FRK: variants seen among roughly 807,000 people sequenced by gnomAD.
The protein encoded by FRK is tyrosine-protein kinase FRK.
A neutral mutation model predicts 56.4 loss-of-function variants in FRK; 51 were observed. The observed-to-expected ratio is 0.90, with a 90% CI of 0.72 to 1.14. FRK has a LOEUF of 1.14. FRK is among the 50% of genes most tolerant of loss of function. The probability of loss-of-function intolerance (pLI) is 0.00; values close to 1 mark genes in which losing one functional copy is unlikely to be tolerated. For missense variants in FRK, 570 were observed against 601.4 expected (o/e 0.95, Z 0.55); for synonymous variants, 245 against 217.9 (o/e 1.12, Z -1.10).
the FRK span, among the ~76,000 whole-genome samples, chr6:116,069,431 G>A: frequency 6.6e-6 from 1 of 151,934 alleles, no homozygotes; most frequent in East Asian, 1.9e-4. Context: ...TAACTCCTAT[G>A]AAAATATTTA....
chr6:116,078,555 G>GAAAT, the FRK span, among the ~76,000 whole-genome samples: 1 of 152,300 alleles, frequency 6.6e-6, no homozygotes, highest in Non-Finnish European at 1.5e-5. Flanking sequence ...CACCCCATGT[G>GAAAT]AAATAAATAC....
chr6:116,085,739 A>G, the FRK span, among the ~76,000 whole-genome samples: 1 of 152,164 alleles, frequency 6.6e-6, no homozygotes, highest in African/African-American at 2.4e-5. Context: ...TGTGCATGCC[A>G]CAGAGAGAGA....
chr6:115,982,207 T>C (rs992233918), intron 2 of FRK, among the ~76,000 whole-genome samples: 6 of 152,180 alleles, frequency 3.9e-5, no homozygotes, highest in Admixed American at 1.3e-4. Flanking sequence ...CATCTTTTCC[T>C]GCACTTGTAC....
At chr6:115,993,532 C>T (rs532972396) in intron 2 of FRK, among the ~76,000 whole-genome samples, 17 of 151,782 alleles carry the variant, frequency 1.1e-4, no homozygotes, top group East Asian at 3.9e-4. Context: ...TCTGCCAACA[C>T]GAATTTAAAC....
At chr6:115,961,649 G>T (rs1326683501) in intron 4 of FRK, among the ~76,000 whole-genome samples, 1 of 69,970 alleles carries the variant, frequency 1.4e-5, no homozygotes, top group Non-Finnish European at 2.7e-5. Context: ...CAGAGAGAAA[G>T]GTCGGGTTAC....
chr6:116,008,769 G>A (rs951957881), intron 1 of FRK, among the ~76,000 whole-genome samples: 1 of 152,146 alleles, frequency 6.6e-6, no homozygotes, highest in Admixed American at 6.6e-5. Flanking sequence ...TTAAGCTACA[G>A]TTCTTACGTG....
chr6:115,949,457 T>C (rs980697181), intron 5 of FRK, among the ~76,000 whole-genome samples: 5 of 152,244 alleles, frequency 3.3e-5, no homozygotes, highest in East Asian at 3.9e-4. Flanking sequence ...ACATATGTTC[T>C]GTCCATACCT....
In FRK at chr6:115,944,327, T is replaced by C. The variant is rs1009449848; in HGVS notation, c.1057A>G (p.Arg353Gly). The change falls in exon 6 of 8, where the codon AGA (arginine) becomes GGA (glycine). Residue 353 changes from arginine (R) to glycine (G), a missense_variant. By Grantham distance (125) the Arg-to-Gly change is moderately radical. Transcript: ENST00000606080. Reference protein sequence around the residue: ...AYLESRNYIHRDLAARNVLVG... With the variant: ...AYLESRNYIHGDLAARNVLVG... ...AGGACATTTCTGGCAGCCAGATCTC[T>C]GTGAATGTAGTTCCGAGACTCCAGA... 6.2e-7 allele frequency: 1 copy of C among 1,613,218 alleles called. No individual in the cohort carries two copies.
the FRK span, among the ~76,000 whole-genome samples, chr6:116,077,414 C>G: frequency 6.6e-6 from 1 of 152,202 alleles, no homozygotes; most frequent in Admixed American, 6.5e-5. Context: ...ACAAAAATTA[C>G]AGTTGACTTC....
chr6:115,958,259 A>G lies in FRK; in HGVS notation c.800-1649T>C, dbSNP rs192513377. 7.3e-4 allele frequency among the ~76,000 whole-genome samples: 95 copies of G among 130,608 alleles called. 1 individual carries two copies. The East Asian group carries it at 0.021, about 29-fold the overall frequency. 85.7% of individuals were successfully genotyped at this position (130,608 alleles called of 152,430 possible). On this transcript the variant is annotated intron_variant, in intron 4 of 7. Coordinates refer to ENST00000606080, the MANE Select transcript of FRK (RefSeq NM_002031.3). ...AGTTTGGCCTATGGTCAAATATAAT[A>G]TAGTGGGGAATCCCCCCACTACCAC...
chr6:115,950,157 G>A (rs1772668253), intron 5 of FRK, among the ~76,000 whole-genome samples: 2 of 152,118 alleles, frequency 1.3e-5, no homozygotes, highest in Admixed American at 1.3e-4. Context: ...AAAAGCAATG[G>A]CAACAAAAGC....
In FRK at chr6:115,932,925, A is replaced by G. The variant is rs945622068; in HGVS notation, c.*9489T>C. On this transcript the variant is annotated 3_prime_UTR_variant, in exon 8 of 8. Transcript: ENST00000606080. ...TGAGCCTAGCCTGATGTTACCCCAC[A>G]GGCTAGTTCTTTGTCTGTCTTTTAA... 17 of 152,314 alleles carry G rather than the reference A, an allele frequency of 1.1e-4. No homozygotes were observed. Among genetic ancestry groups the G allele is most frequent in the Admixed American group, 4.6e-4 (7 of 15,308 alleles). 9.4% of individuals were successfully genotyped at this position (152,314 alleles called of 1,614,324 possible).
chr6:116,002,357 G>A lies in FRK; in HGVS notation c.466+1520C>T, dbSNP rs561845985. ...TGACAGGCCAGGCATGGTGACTCAC[G>A]CCTGTAATCCCAGCACTTTGGGAGG... On this transcript the variant is annotated intron_variant, in intron 2 of 7. Transcript: ENST00000606080. Among the ~76,000 whole-genome samples, 226 of 152,264 alleles carry A rather than the reference G, an allele frequency of 1.5e-3. 2 individuals carry two copies. Among genetic ancestry groups the A allele is most frequent in the African/African-American group, 5.3e-3 (221 of 41,566 alleles).
chr6:115,940,498 G>C lies in FRK; in HGVS notation c.*1916C>G, dbSNP rs183702093. 1.4e-4 allele frequency: 21 copies of C among 152,254 alleles called. No homozygotes were observed. Among genetic ancestry groups the C allele is most frequent in the African/African-American group, 4.8e-4 (20 of 41,556 alleles). 9.4% of individuals were successfully genotyped at this position (152,254 alleles called of 1,614,324 possible). On this transcript the variant is annotated 3_prime_UTR_variant, in exon 8 of 8. Coordinates refer to ENST00000606080, the MANE Select transcript of FRK (RefSeq NM_002031.3). ...AGAAATGGGATCTAATTAAACTAAA[G>C]AGCTTCTAGACAGCAAAAGAAACTA...
intron 1 of FRK, among the ~76,000 whole-genome samples, chr6:116,036,341 A>G (rs1209807806): frequency 6.6e-6 from 1 of 152,168 alleles, no homozygotes; most frequent in Non-Finnish European, 1.5e-5. Flanking sequence ...CTCAGCAAAT[A>G]TACTTACTTA....
rs926347860 is a variant in FRK at position 115,935,279 on chromosome 6, T to C, written c.*7135A>G. On this transcript the variant is annotated 3_prime_UTR_variant, in exon 8 of 8. Coordinates refer to ENST00000606080, the MANE Select transcript of FRK (RefSeq NM_002031.3). ...TACCTCCTCTACCCAAGGGAAGCCA[T>C]GAGGGACTGTACCTGAGGAACGGTG... 2 of 152,332 alleles carry C rather than the reference T, an allele frequency of 1.3e-5. No homozygotes were observed. Among genetic ancestry groups the C allele is most frequent in the African/African-American group, 2.4e-5 (1 of 41,460 alleles). 9.4% of individuals were successfully genotyped at this position (152,332 alleles called of 1,614,324 possible). A position where few individuals can be genotyped will look rare whatever the true frequency, so the allele number is the denominator to read the frequency against.
At chr6:116,002,700 T>G (rs762276325) in intron 2 of FRK, 15 of 455,676 alleles carry the variant, frequency 3.3e-5, no homozygotes, top group Non-Finnish European at 8.8e-6. Flanking sequence ...ATCCATGGAT[T>G]AGGTAGTAGT....
intron 1 of FRK, among the ~76,000 whole-genome samples, chr6:116,042,891 A>T (rs374153964): frequency 6.6e-6 from 1 of 152,114 alleles, no homozygotes; most frequent in East Asian, 1.9e-4. Flanking sequence ...ATGGGGGAAT[A>T]TTTACCAAGT....
intron 1 of FRK, among the ~76,000 whole-genome samples, chr6:116,017,758 A>C (rs1775707273): frequency 1.3e-5 from 2 of 152,068 alleles, no homozygotes; most frequent in Admixed American, 1.3e-4. Flanking sequence ...AAGGTACTAC[A>C]ATTTGAAAAA....
Sources: allele counts gnomAD v4.1 joint callset (sites outside exome capture counted in the v4.1 genomes callset), GRCh38; gene constraint gnomAD v4.1.1; transcripts MANE v1.5; gene names NCBI Gene and HGNC (gene_info 2026-07-23, HGNC 2026-07-21).